The following PCDHA3 variants were observed in gnomAD, a reference collection of about 807,000 sequenced individuals.
PCDHA3 encodes protocadherin alpha-3.
PCDHA3 carries 41 observed loss-of-function variants against 62.2 expected under a neutral mutation model. That is an observed-to-expected ratio of 0.66 (90% confidence interval 0.51 to 0.86). PCDHA3 has a LOEUF of 0.86. Ranked by LOEUF, PCDHA3 falls within the 40% of genes least tolerant of loss-of-function variation. PCDHA3 has a pLI of 0.00. For missense variants in PCDHA3, 1,304 were observed against 1,241.2 expected (o/e 1.05, Z -0.76); for synonymous variants, 640 against 555.4 (o/e 1.15, Z -2.14).
chr5:140,841,209 T>A (rs1777094069), intron 1 of PCDHA3: 4 of 1,385,024 alleles, frequency 2.9e-6, no homozygotes, highest in Non-Finnish European at 3.9e-6. Context: ...AGCATCTGTC[T>A]CTAAAGGCCG....
At chr5:140,935,486 A>C (rs1554210536) in intron 1 of PCDHA3, among the ~76,000 whole-genome samples, 1 of 152,228 alleles carries the variant, frequency 6.6e-6, no homozygotes, top group East Asian at 1.9e-4. Context: ...CTTTTCATTT[A>C]TAAGGCACAT....
intron 1 of PCDHA3, chr5:140,821,431 T>C (rs1300561575): frequency 1.5e-5 from 3 of 193,748 alleles, no homozygotes; most frequent in African/African-American, 2.3e-5. Context: ...ATATTTTGAC[T>C]AGAGATAAGT....
chr5:140,853,345 C>A, intron 1 of PCDHA3: 2 of 982,280 alleles, frequency 2.0e-6, no homozygotes, highest in Non-Finnish European at 2.5e-6. Context: ...CATTAGCAAA[C>A]ATGAACTCAC....
chr5:140,869,178 G>T (rs200717410), intron 1 of PCDHA3: 1 of 1,613,988 alleles, frequency 6.2e-7, no homozygotes, highest in East Asian at 2.2e-5. Flanking sequence ...AATTCTGGGA[G>T]GTGGGGAGCG....
chr5:141,002,877 A>G (rs989540490), intron 3 of PCDHA3, among the ~76,000 whole-genome samples: 1 of 152,252 alleles, frequency 6.6e-6, no homozygotes, highest in Non-Finnish European at 1.5e-5. Context: ...CCTCAAGAAC[A>G]GAAAGAGAAC....
intron 1 of PCDHA3, chr5:140,842,408 G>A (rs1266480987): frequency 1.2e-6 from 2 of 1,612,204 alleles, no homozygotes; most frequent in Non-Finnish European, 1.7e-6. Flanking sequence ...ACGTGAAGAC[G>A]CTCAATTTGG....
chr5:140,929,153 A>G (rs1554206749), intron 1 of PCDHA3: 1 of 1,614,164 alleles, frequency 6.2e-7, no homozygotes, highest in East Asian at 2.2e-5. Context: ...TCTCAGACTT[A>G]TCTCTATCGG....
chr5:140,843,521 G>A (rs1168797267), intron 1 of PCDHA3: 1 of 1,595,866 alleles, frequency 6.3e-7, no homozygotes, highest in Non-Finnish European at 8.6e-7. Context: ...CGGGTGCCGG[G>A]CGGGCAAGCC....
chr5:140,928,551 G>C, intron 1 of PCDHA3: 1 of 1,614,164 alleles, frequency 6.2e-7, no homozygotes, highest in Non-Finnish European at 8.5e-7. Context: ...ACAATTATCC[G>C]GTTATCTTGT....
At chr5:140,991,183 A>G (rs3776108) in intron 3 of PCDHA3, among the ~76,000 whole-genome samples, 7,613 of 152,310 alleles carry the variant, frequency 0.05, 238 homozygotes, top group South Asian at 0.11. Flanking sequence ...CAGGATGCCT[A>G]GCACACAATG....
At chr5:140,841,317 T>A in intron 1 of PCDHA3, 1 of 1,600,298 alleles carries the variant, frequency 6.2e-7, no homozygotes, top group Non-Finnish European at 8.5e-7. Flanking sequence ...AAACGACTAT[T>A]TAACATGGAT....
At chr5:140,850,907 T>A (rs2150501889) in intron 1 of PCDHA3, 1 of 1,548,270 alleles carries the variant, frequency 6.5e-7, no homozygotes, top group East Asian at 2.3e-5. Flanking sequence ...TTTCTAGCAT[T>A]TTATTTATTT....
intron 1 of PCDHA3, chr5:140,877,684 A>G (rs1247391418): frequency 1.9e-6 from 3 of 1,613,650 alleles, no homozygotes; most frequent in Non-Finnish European, 2.5e-6. Flanking sequence ...GGGCAAGCCC[A>G]CGCTGGTGTG....
At chr5:141,003,771 T>G (rs1301111940) in intron 3 of PCDHA3, among the ~76,000 whole-genome samples, 4 of 152,250 alleles carry the variant, frequency 2.6e-5, no homozygotes, top group African/African-American at 9.6e-5. Context: ...CGTATTCTGT[T>G]AAATAAACTT....
Position 140,803,369 on chromosome 5 carries a change from C to G in PCDHA3, c.2172C>G (p.Ser724=), listed in dbSNP as rs140796793. The G allele has an allele frequency of 5.6e-6, 9 of 1,614,078 alleles. No homozygotes were observed. The highest frequency in any genetic ancestry group is 1.1e-5 in the South Asian group (1 of 91,090). ...TLLLYTALRC[S]APPTEGDCGP... ...TGCTATATACTGCTCTGCGGTGCTC[C>G]GCGCCGCCAACCGAAGGCGACTGTG... Residue 724 remains serine (S), a synonymous_variant, in exon 1 of 4, where the codon TCC becomes TCG. Coordinates refer to ENST00000522353, the MANE Select transcript of PCDHA3 (RefSeq NM_018906.3).
intron 1 of PCDHA3, chr5:140,967,765 C>A: frequency 6.2e-7 from 1 of 1,614,234 alleles, no homozygotes; most frequent in Non-Finnish European, 8.5e-7. Context: ...CCTACCAGAT[C>A]TATGTGCAGG....
At chr5:140,866,752 C>G (rs928654608) in intron 1 of PCDHA3, 1 of 152,140 alleles carries the variant, frequency 6.6e-6, no homozygotes, top group Non-Finnish European at 1.5e-5. Context: ...ATATGACTAA[C>G]AGGACATACA....
Position 140,849,938 on chromosome 5 carries a change from C to A in PCDHA3, c.2394+46347C>A. The A allele has an allele frequency of 2.5e-6, 4 of 1,598,014 alleles. 1 individual carries two copies. Among genetic ancestry groups the A allele is most frequent in the Non-Finnish European group, 3.4e-6 (4 of 1,167,752 alleles). On this transcript the variant is annotated intron_variant, in intron 1 of 3. Transcript: ENST00000522353. ...ACATCTTCACGGTGTCTGCGCGGGACGCTGACGCGCAGGAGAACGCCCTGG... is the reference window on the plus strand; with the variant it reads ...ACATCTTCACGGTGTCTGCGCGGGAAGCTGACGCGCAGGAGAACGCCCTGG...
In PCDHA3 at chr5:140,842,728, G is replaced by A. The variant is rs2150343168; in HGVS notation, c.2394+39137G>A. 2 of 1,595,050 alleles carry A rather than the reference G, an allele frequency of 1.3e-6. 1 individual carries two copies. Reference sequence around the variant, plus strand: ...CGGTGTTCGTGAAGGAGAACAACCCGCCGGGCTGCCACATCTTCACGGTGT... The same window carrying A: ...CGGTGTTCGTGAAGGAGAACAACCCACCGGGCTGCCACATCTTCACGGTGT... On this transcript the variant is annotated intron_variant, in intron 1 of 3. Transcript: ENST00000522353.
Sources: allele counts gnomAD v4.1 joint callset (sites outside exome capture counted in the v4.1 genomes callset), GRCh38; gene constraint gnomAD v4.1.1; transcripts MANE v1.5; gene names NCBI Gene and HGNC (gene_info 2026-07-23, HGNC 2026-07-21).